Variants in SPRY3 observed in about 807,000 individuals in gnomAD.
SPRY3 encodes protein sprouty homolog 3.
In SPRY3, 15 loss-of-function variants were observed where a neutral mutation model predicts 20.2. The observed-to-expected ratio is 0.74, with a 90% CI of 0.50 to 1.14. The LOEUF is 1.14. Ranked by LOEUF, SPRY3 falls within the 50% of genes most tolerant of loss-of-function variation. The pLI is 0.00. For missense variants in SPRY3, 364 were observed against 363.9 expected (o/e 1.00, Z 0.00); for synonymous variants, 143 against 136.5 (o/e 1.05, Z -0.33).
At chrX:155,749,881 G>A (rs2091251892) in intron 2 of SPRY3, among the ~76,000 whole-genome samples, 1 of 151,652 alleles carries the variant, frequency 6.6e-6, no homozygotes, top group African/African-American at 2.4e-5. Context: ...ATACCCAGTG[G>A]GATACATTAT....
At chrX:155,748,522 T>C (rs2091240675) in intron 2 of SPRY3, among the ~76,000 whole-genome samples, 1 of 151,754 alleles carries the variant, frequency 6.6e-6, no homozygotes, top group Non-Finnish European at 1.5e-5. Context: ...GAAAGGGACT[T>C]GACAATAGGA....
chrX:155,748,595 T>C (rs1196054384), intron 2 of SPRY3, among the ~76,000 whole-genome samples: 1 of 151,816 alleles, frequency 6.6e-6, no homozygotes, highest in African/African-American at 2.4e-5. Flanking sequence ...CCTCTATAAA[T>C]GATGTTTGCT....
intron 2 of SPRY3, among the ~76,000 whole-genome samples, chrX:155,723,662 C>G (rs2091077829): frequency 6.6e-6 from 1 of 151,948 alleles, no homozygotes; most frequent in Non-Finnish European, 1.5e-5. Context: ...TGTTTAAGTT[C>G]CTTGTAGATT....
At chrX:155,729,788 A>G (rs962243040) in intron 2 of SPRY3, among the ~76,000 whole-genome samples, 13 of 152,140 alleles carry the variant, frequency 8.5e-5, no homozygotes, top group Admixed American at 3.9e-4. Context: ...GAAAAGATAA[A>G]CAAAATTCAC....
At chrX:155,630,855 C>T (rs184823037) in intron 1 of SPRY3, among the ~76,000 whole-genome samples, 121 of 111,655 alleles carry the variant, frequency 1.1e-3, no homozygotes, top group Non-Finnish European at 1.1e-3. Flanking sequence ...ATAATCTGAA[C>T]ATTTGCTCTT....
chrX:155,617,952 A>G (rs1557349069), intron 1 of SPRY3, among the ~76,000 whole-genome samples: 1 of 112,221 alleles, frequency 8.9e-6, no homozygotes, highest in African/African-American at 3.2e-5. Context: ...ATTTCCTCTG[A>G]TGGTAAAATC....
intron 2 of SPRY3, among the ~76,000 whole-genome samples, chrX:155,725,099 C>G (rs942756818): frequency 7.9e-5 from 12 of 152,232 alleles, no homozygotes; most frequent in Non-Finnish European, 1.6e-4. Flanking sequence ...GTCATTGGTT[C>G]CATTTACGTG....
At chrX:155,742,466 C>A (rs1160450074) in intron 2 of SPRY3, among the ~76,000 whole-genome samples, 1 of 152,140 alleles carries the variant, frequency 6.6e-6, no homozygotes, top group Non-Finnish European at 1.5e-5. Flanking sequence ...TATACAGGAC[C>A]TGAACCCTGC....
intron 2 of SPRY3, among the ~76,000 whole-genome samples, chrX:155,673,127 A>C (rs781791176): frequency 1.0e-5 from 1 of 98,778 alleles, no homozygotes; most frequent in African/African-American, 3.6e-5. Context: ...TGACAAGTTA[A>C]TGGGTGCAGC....
chrX:155,743,835 T>C (rs2091214215), intron 2 of SPRY3, among the ~76,000 whole-genome samples: 1 of 152,080 alleles, frequency 6.6e-6, no homozygotes. Context: ...AATAAAATCA[T>C]GATACATCAA....
chrX:155,774,182 C>T (rs2091404511), exon 4 of SPRY3: 4 of 1,613,898 alleles, frequency 2.5e-6, no homozygotes, highest in African/African-American at 2.7e-5. Flanking sequence ...GCCAGCATTA[C>T]ACCCTCACCT....
intron 2 of SPRY3, among the ~76,000 whole-genome samples, chrX:155,699,713 G>C (rs2068129867): frequency 9.0e-6 from 1 of 111,036 alleles, no homozygotes; most frequent in Non-Finnish European, 1.9e-5. Context: ...TTACTTCTGA[G>C]AAAGGAGTAG....
At chrX:155,719,433 G>A (rs1179620285) in intron 2 of SPRY3, among the ~76,000 whole-genome samples, 1 of 152,040 alleles carries the variant, frequency 6.6e-6, no homozygotes, top group Non-Finnish European at 1.5e-5. Context: ...GCTGAACTGG[G>A]CCTAGAGACA....
chrX:155,753,169 G>A (rs1296139522), intron 2 of SPRY3, among the ~76,000 whole-genome samples: 2 of 151,772 alleles, frequency 1.3e-5, no homozygotes, highest in Admixed American at 6.6e-5. Flanking sequence ...TATTCTCAAC[G>A]TTGTACAACT....
At chrX:155,687,781 T>G (rs2068091708) in intron 2 of SPRY3, among the ~76,000 whole-genome samples, 2 of 112,232 alleles carry the variant, frequency 1.8e-5, no homozygotes, top group Non-Finnish European at 3.8e-5. Context: ...TGCTCATATC[T>G]TAACCACATA....
chrX:155,619,002 C>T (rs1369615844), intron 1 of SPRY3, among the ~76,000 whole-genome samples: 2 of 111,240 alleles, frequency 1.8e-5, no homozygotes, highest in Non-Finnish European at 3.8e-5. Context: ...CTTGTCTTTT[C>T]ATCCTCTTAA....
chrX:155,757,276 G>A (rs1243876371), intron 2 of SPRY3, among the ~76,000 whole-genome samples: 1 of 151,996 alleles, frequency 6.6e-6, no homozygotes, highest in Non-Finnish European at 1.5e-5. Flanking sequence ...AACACATCAA[G>A]TACATTCTGG....
intron 2 of SPRY3, among the ~76,000 whole-genome samples, chrX:155,662,701 A>AAAC (rs1557353842): frequency 2.8e-5 from 3 of 109,091 alleles, no homozygotes; most frequent in Non-Finnish European, 3.8e-5. Flanking sequence ...AAAAAAAAAA[A>AAAC]AACTCTACCA....
At chrX:155,618,752 G>T (rs1354593997) in intron 1 of SPRY3, among the ~76,000 whole-genome samples, 1 of 111,117 alleles carries the variant, frequency 9.0e-6, no homozygotes, top group Non-Finnish European at 1.9e-5. Flanking sequence ...GGTCTGTGGT[G>T]ATATCTAATT....
Sources: gnomAD v4.1 joint callset for allele counts (sites outside exome capture counted in the v4.1 genomes callset) on GRCh38, gnomAD v4.1.1 for gene constraint, MANE v1.5 for transcripts, NCBI Gene and HGNC (gene_info 2026-07-23, HGNC 2026-07-21) for gene names.